The following NXPE2 variants were observed in gnomAD, a reference collection of about 807,000 sequenced individuals.
NXPE2 encodes the protein NXPE family member 2.
A neutral mutation model predicts 34.4 loss-of-function variants in NXPE2; 34 were observed. That is an observed-to-expected ratio of 0.99 (90% CI 0.75 to 1.31). NXPE2 has a LOEUF of 1.31. NXPE2 is among the 40% of genes most tolerant of loss of function. NXPE2 has a pLI of 0.00. For synonymous variants in NXPE2, 235 were observed against 231.3 expected (o/e 1.02, Z -0.15); for missense variants, 649 against 672.5 (o/e 0.97, Z 0.39).
chr11:114,746,589 T>C, the NXPE2 span, among the ~76,000 whole-genome samples: 1 of 152,150 alleles, frequency 6.6e-6, no homozygotes, highest in African/African-American at 2.4e-5. Context: ...TGGTGGCTCA[T>C]GCCTGTAATC....
the NXPE2 span, among the ~76,000 whole-genome samples, chr11:114,797,564 A>C: frequency 6.6e-6 from 1 of 152,084 alleles, no homozygotes; most frequent in East Asian, 1.9e-4. Context: ...CAGGCTCAGC[A>C]CCCTTTCCCT....
chr11:114,752,150 A>G, the NXPE2 span, among the ~76,000 whole-genome samples: 57 of 152,256 alleles, frequency 3.7e-4, no homozygotes, highest in African/African-American at 1.3e-3. Context: ...GAAAAGAACC[A>G]TGTGGATATT....
At chr11:114,775,829 A>C in the NXPE2 span, among the ~76,000 whole-genome samples, 1 of 151,966 alleles carries the variant, frequency 6.6e-6, no homozygotes. Flanking sequence ...GATACTTGCT[A>C]AGAGGTAAAA....
At chr11:114,809,125 CT>C in the NXPE2 span, among the ~76,000 whole-genome samples, 2 of 151,994 alleles carry the variant, frequency 1.3e-5, no homozygotes, top group Non-Finnish European at 2.9e-5. Context: ...CAGAAAAGGC[CT>C]TTGACAAAAT....
the NXPE2 span, chr11:114,522,013 A>G: frequency 6.2e-7 from 1 of 1,613,734 alleles, no homozygotes; most frequent in Admixed American, 1.7e-5. Flanking sequence ...TTCCAATCAC[A>G]TGATCAGGTG....
At chr11:114,678,699 C>A in intron 1 of NXPE2, 98 bp downstream of exon 1, 1 of 837,800 alleles carries the variant, frequency 1.2e-6, no homozygotes, top group Non-Finnish European at 1.9e-6. Context: ...TGATGCAACC[C>A]TTTAGAGGAT....
At chr11:114,581,763 A>C in the NXPE2 span, 2 of 1,611,396 alleles carry the variant, frequency 1.2e-6, no homozygotes, top group African/African-American at 1.3e-5. Context: ...GAATTTTTCC[A>C]TAATCTCTAC....
chr11:114,582,948 G>C, the NXPE2 span: 533 of 1,614,152 alleles, frequency 3.3e-4, 2 homozygotes, highest in African/African-American at 6.1e-3. Flanking sequence ...TATCAGTGGT[G>C]TTTTAGGGAA....
chr11:114,663,696 A>G, the NXPE2 span, among the ~76,000 whole-genome samples: 1 of 151,040 alleles, frequency 6.6e-6, no homozygotes, highest in African/African-American at 2.4e-5. Context: ...CTATCTATCT[A>G]TCTATCTATC....
chr11:114,783,917 A>T, the NXPE2 span, among the ~76,000 whole-genome samples: 2 of 152,240 alleles, frequency 1.3e-5, no homozygotes, highest in Non-Finnish European at 2.9e-5. Flanking sequence ...ACTGGGTTTT[A>T]GACTAAACTT....
chr11:114,528,741 G>A, the NXPE2 span: 1 of 593,778 alleles, frequency 1.7e-6, no homozygotes, highest in African/African-American at 1.8e-5. Context: ...AGGAAGAAAG[G>A]GATTAAGGGG....
At chr11:114,661,810 A>G in the NXPE2 span, among the ~76,000 whole-genome samples, 1 of 152,246 alleles carries the variant, frequency 6.6e-6, no homozygotes. Context: ...GTATGGTGTC[A>G]GTGAAAAGAT....
the NXPE2 span, among the ~76,000 whole-genome samples, chr11:114,732,626 T>C: frequency 6.6e-6 from 1 of 152,248 alleles, no homozygotes; most frequent in Non-Finnish European, 1.5e-5. Context: ...AAAAGACTTG[T>C]CATTGTTCAG....
At chr11:114,752,610 GA>G in the NXPE2 span, among the ~76,000 whole-genome samples, 4 of 152,020 alleles carry the variant, frequency 2.6e-5, no homozygotes, top group Admixed American at 6.6e-5. Context: ...GATCTATTCT[GA>G]AAATAGATCC....
chr11:114,548,358 T>C, the NXPE2 span, among the ~76,000 whole-genome samples: 2 of 152,054 alleles, frequency 1.3e-5, no homozygotes, highest in Non-Finnish European at 2.9e-5. Context: ...ATTCTAATAA[T>C]AGAGAATATA....
At chr11:114,725,992 T>TATATATATATATATATATAA in the NXPE2 span, among the ~76,000 whole-genome samples, 2 of 140,032 alleles carry the variant, frequency 1.4e-5, no homozygotes, top group African/African-American at 5.1e-5. Context: ...TATATATATA[T>TATATATATATATATATATAA]AAAAAGAAAA....
chr11:114,782,609 T>C, the NXPE2 span, among the ~76,000 whole-genome samples: 1 of 152,140 alleles, frequency 6.6e-6, no homozygotes, highest in Non-Finnish European at 1.5e-5. Context: ...GAAGCTCAGA[T>C]AAGTAGTTTT....
the NXPE2 span, among the ~76,000 whole-genome samples, chr11:114,616,056 T>G: frequency 5.9e-5 from 9 of 151,842 alleles, no homozygotes; most frequent in South Asian, 1.9e-3. Context: ...GGATAATAAG[T>G]ATTGCCTCAT....
the NXPE2 span, among the ~76,000 whole-genome samples, chr11:114,744,511 A>G: frequency 6.6e-6 from 1 of 152,152 alleles, no homozygotes; most frequent in South Asian, 2.1e-4. Context: ...TATGTATTTT[A>G]TATATGAAAA....
Sources: allele counts gnomAD v4.1 joint callset (sites outside exome capture counted in the v4.1 genomes callset), GRCh38; gene constraint gnomAD v4.1.1; transcripts MANE v1.5; gene names NCBI Gene and HGNC (gene_info 2026-07-23, HGNC 2026-07-21).